The following OGDH variants were observed in gnomAD, a reference collection of about 807,000 sequenced individuals.
OGDH encodes the protein oxoglutarate dehydrogenase, also known as 2-oxoglutarate dehydrogenase complex component E1.
A neutral mutation model predicts 116.6 loss-of-function variants in OGDH; 38 were observed. That is an observed-to-expected ratio of 0.33 (90% CI 0.25 to 0.43). OGDH has a LOEUF of 0.43. OGDH is among the 20% of genes least tolerant of loss of function. The probability of loss-of-function intolerance (pLI) is 1.00; values close to 1 mark genes in which losing one functional copy is unlikely to be tolerated. For missense variants in OGDH, 825 were observed against 1,357.2 expected (o/e 0.61, Z 6.16); for synonymous variants, 488 against 533.3 (o/e 0.92, Z 1.17).
At chr7:44,653,630 A>T (rs1020190951) in intron 4 of OGDH, among the ~76,000 whole-genome samples, 2 of 151,950 alleles carry the variant, frequency 1.3e-5, no homozygotes, top group African/African-American at 4.8e-5. Flanking sequence ...GATTCAACCA[A>T]TTCTCCTGCC....
intron 2 of OGDH, among the ~76,000 whole-genome samples, chr7:44,633,139 G>T (rs1311650262): frequency 6.6e-6 from 1 of 150,544 alleles, no homozygotes; most frequent in Non-Finnish European, 1.5e-5. Flanking sequence ...TGTAGTCCCA[G>T]CTACTTGGGA....
At chr7:44,641,225 CTTTTTTTTTTTTTTTT>C (rs1175522868) in intron 2 of OGDH, among the ~76,000 whole-genome samples, 4 of 81,664 alleles carry the variant, frequency 4.9e-5, no homozygotes, top group South Asian at 4.5e-4. Context: ...TTTTTTTTTT[CTTTTTTTTTTTTTTTT>C]TGGAAACAGG....
chr7:44,700,272 C>G lies in OGDH; in HGVS notation c.2559+3C>G. 1.1e-5 allele frequency: 17 copies of G among 1,613,992 alleles called. No homozygotes were observed. Among genetic ancestry groups the G allele is most frequent in the Non-Finnish European group, 1.4e-5 (17 of 1,179,944 alleles). The stretch of plus-strand genomic sequence containing the variant: ...TCCTGCTGCCATTCCGGAAGCCGGT[C>G]AGTGGCAGGGCCTCCCTTGCTCAAA... On this transcript the variant is annotated splice_donor_region_variant and intron_variant, in intron 19 of 22. Transcript: ENST00000222673.
rs191421414 is a variant in OGDH at position 44,643,198 on chromosome 7, A to G, written c.223-2129A>G. Among the ~76,000 whole-genome samples the G allele has an allele frequency of 2.6e-4, 40 of 151,818 alleles. No individual in the cohort carries two copies. The East Asian group carries it at 6.8e-3, about 26-fold the overall frequency. On this transcript the variant is annotated intron_variant, in intron 2 of 22. Coordinates refer to ENST00000222673, the MANE Select transcript of OGDH (RefSeq NM_002541.4). ...GCTGTATTGCCCAGGCCAGCCTTGA[A>G]TTCCTAGGCTTAAGTGATCCTCCTG...
chr7:44,695,007 G>C (rs1051981397), intron 12 of OGDH, among the ~76,000 whole-genome samples: 9 of 152,182 alleles, frequency 5.9e-5, no homozygotes, highest in African/African-American at 2.2e-4. Flanking sequence ...CTATATCTGA[G>C]CATGGGAACA....
At chr7:44,639,025 C>A (rs560713116) in intron 2 of OGDH, among the ~76,000 whole-genome samples, 3 of 152,090 alleles carry the variant, frequency 2.0e-5, no homozygotes, top group Admixed American at 2.0e-4. Flanking sequence ...CAAAGCTAAG[C>A]GACCATGTGA....
chr7:44,688,297 G>A (rs891722075), intron 10 of OGDH, among the ~76,000 whole-genome samples: 14 of 151,812 alleles, frequency 9.2e-5, no homozygotes, highest in Non-Finnish European at 1.5e-5. Flanking sequence ...CTTGAACCTG[G>A]GAGGCGGAGA....
chr7:44,703,414 A>G (rs1788928956), intron 20 of OGDH, among the ~76,000 whole-genome samples: 1 of 151,204 alleles, frequency 6.6e-6, no homozygotes, highest in Non-Finnish European at 1.5e-5. Context: ...TCTCAAAACA[A>G]AACAAAACAA....
intron 2 of OGDH, among the ~76,000 whole-genome samples, chr7:44,625,806 CG>C (rs1331365814): frequency 6.6e-6 from 1 of 151,100 alleles, no homozygotes; most frequent in Non-Finnish European, 1.5e-5. Flanking sequence ...GTGACACTTA[CG>C]AATTTTTTTT....
intron 10 of OGDH, among the ~76,000 whole-genome samples, chr7:44,690,684 G>GCAC (rs1788329651): frequency 6.6e-6 from 1 of 152,216 alleles, no homozygotes; most frequent in Non-Finnish European, 1.5e-5. Context: ...CGTCATGTGT[G>GCAC]CTGCCATCCA....
chr7:44,624,291 G>GGTTTT, intron 1 of OGDH, 26 bp from the exon 2 acceptor site: 1 of 757,960 alleles, frequency 1.3e-6, no homozygotes, highest in Non-Finnish European at 2.0e-6. Flanking sequence ...TTTCTTTCTT[G>GGTTTT]TTTTTTTTTT....
intron 9 of OGDH, among the ~76,000 whole-genome samples, chr7:44,677,355 G>A (rs2116190669): frequency 6.6e-6 from 1 of 152,268 alleles, no homozygotes; most frequent in Middle Eastern, 3.4e-3. Context: ...CAGGGGTGTG[G>A]GCTAGAGTTG....
At chr7:44,688,619 A>T (rs142455560) in intron 10 of OGDH, among the ~76,000 whole-genome samples, 9,523 of 151,138 alleles carry the variant, frequency 0.063, 372 homozygotes, top group Middle Eastern at 0.094. Context: ...TTTAGTAGAG[A>T]TGGGGTTTCA....
At chr7:44,686,519 AG>A (rs748237696) in intron 10 of OGDH, among the ~76,000 whole-genome samples, 3 of 152,080 alleles carry the variant, frequency 2.0e-5, no homozygotes, top group Non-Finnish European at 2.9e-5. Context: ...TTTTGCTATC[AG>A]GGTAATGCTG....
intron 2 of OGDH, among the ~76,000 whole-genome samples, 200 bp from the exon 3 acceptor site, chr7:44,645,127 G>A (rs1365477477): frequency 6.6e-6 from 1 of 152,184 alleles, no homozygotes; most frequent in Non-Finnish European, 1.5e-5. Context: ...GAAGACAAAA[G>A]TTGTGGAAAG....
At chr7:44,609,332 G>A (rs1055057757) in intron 1 of OGDH, among the ~76,000 whole-genome samples, 1 of 116,064 alleles carries the variant, frequency 8.6e-6, no homozygotes, top group Non-Finnish European at 1.8e-5. Flanking sequence ...GTGAGACCTC[G>A]TCTCTACAAA....
intron 5 of OGDH, 54 bp from the exon 6 acceptor site, chr7:44,673,728 CTTCAT>C: frequency 6.4e-7 from 1 of 1,567,630 alleles, no homozygotes; most frequent in Non-Finnish European, 8.8e-7. Flanking sequence ...AGTCGGCAGT[CTTCAT>C]TCAGCCAGGC....
At chr7:44,675,013 G>T (rs1277688760) in intron 7 of OGDH, among the ~76,000 whole-genome samples, 165 bp from the exon 8 acceptor site, 2 of 151,962 alleles carry the variant, frequency 1.3e-5, no homozygotes, top group African/African-American at 4.8e-5. Flanking sequence ...AGCACGGAGA[G>T]GCTCGGTTCC....
chr7:44,700,649 C>T (rs761380540), intron 19 of OGDH, among the ~76,000 whole-genome samples: 4 of 152,086 alleles, frequency 2.6e-5, no homozygotes, highest in African/African-American at 2.4e-5. Flanking sequence ...CCCCAGGGAG[C>T]GGCTCCTGAG....
Sources: gnomAD v4.1 joint callset for allele counts (sites outside exome capture counted in the v4.1 genomes callset) on GRCh38, gnomAD v4.1.1 for gene constraint, MANE v1.5 for transcripts, NCBI Gene and HGNC (gene_info 2026-07-23, HGNC 2026-07-21) for gene names.